Variants in ADGRF5 observed in about 807,000 individuals in gnomAD.
The protein encoded by ADGRF5 is adhesion G protein-coupled receptor F5.
ADGRF5 carries 75 observed loss-of-function variants against 132.3 expected under a neutral mutation model. The ratio of observed to expected loss-of-function variants is 0.57; its 90% CI spans 0.47 to 0.69. ADGRF5 has a LOEUF of 0.69. Among genes scored for constraint, ADGRF5 ranks in the 30% least tolerant of loss-of-function variants. The pLI is 0.00. For synonymous variants in ADGRF5, 629 were observed against 597.6 expected (o/e 1.05, Z -0.77); for missense variants, 1,516 against 1,630.6 (o/e 0.93, Z 1.21).
At chr6:46,929,724 G>C (rs1017941630) in intron 1 of ADGRF5, among the ~76,000 whole-genome samples, 1 of 151,902 alleles carries the variant, frequency 6.6e-6, no homozygotes, top group Non-Finnish European at 1.5e-5. Flanking sequence ...ATGATGTCTG[G>C]CTCATGACTT....
At chr6:46,915,299 A>C (rs1230597608) in intron 1 of ADGRF5, among the ~76,000 whole-genome samples, 5 of 151,674 alleles carry the variant, frequency 3.3e-5, no homozygotes, top group Non-Finnish European at 7.4e-5. Flanking sequence ...TAATAATAAT[A>C]ATAATAATAA....
At chr6:46,856,845 A>T (rs751386941) in intron 18 of ADGRF5, 22 bp downstream of exon 18, 6 of 1,608,032 alleles carry the variant, frequency 3.7e-6, no homozygotes, top group South Asian at 1.1e-5. Flanking sequence ...TTCTAGAAAC[A>T]TGAAACTGTC....
At chr6:46,899,254 G>A (rs1774495042) in intron 3 of ADGRF5, among the ~76,000 whole-genome samples, 1 of 152,054 alleles carries the variant, frequency 6.6e-6, no homozygotes, top group Non-Finnish European at 1.5e-5. Flanking sequence ...AGGAGATCAG[G>A]TGGGAAAGGC....
intron 9 of ADGRF5, among the ~76,000 whole-genome samples, chr6:46,879,320 A>T (rs1345581629): frequency 6.6e-6 from 1 of 151,974 alleles, no homozygotes; most frequent in African/African-American, 2.4e-5. Context: ...CCCCTCCCAA[A>T]TCTCATGTCG....
At chr6:46,887,931 CTGGTACT>C (rs1773221340) in intron 4 of ADGRF5, 2 of 157,648 alleles carry the variant, frequency 1.3e-5, no homozygotes, top group Admixed American at 1.2e-4. Flanking sequence ...AGAAGGGTAT[CTGGTACT>C]TACTAATATC....
At chr6:46,871,743 T>C (rs573758257) in intron 11 of ADGRF5, 100 bp downstream of exon 11, 5 of 767,650 alleles carry the variant, frequency 6.5e-6, no homozygotes. Context: ...TCTCTGTCCA[T>C]TATTTTGCTC....
At chr6:46,935,517 G>T (rs1777775665) in intron 1 of ADGRF5, among the ~76,000 whole-genome samples, 1 of 152,056 alleles carries the variant, frequency 6.6e-6, no homozygotes, top group African/African-American at 2.4e-5. Context: ...ATTTATCTCA[G>T]AGCAGTACTT....
rs1768680292 is a variant in ADGRF5 at position 46,853,298 on chromosome 6, TCCTC to T, written c.*690_*693del. ...TTGAAGTCGTTCTGATGAAGGAATT[TCCTC>T]CCTATTTTTTCAGCCTTTTTTTCCT... is the stretch of plus-strand genomic sequence containing the variant. On this transcript the variant is annotated 3_prime_UTR_variant, in exon 21 of 21. Coordinates refer to ENST00000283296, the MANE Select transcript of ADGRF5 (RefSeq NM_001098518.2). 6.6e-6 allele frequency: 1 copy of T among 152,154 alleles called. No individual in the cohort carries two copies. Among genetic ancestry groups the T allele is most frequent in the Non-Finnish European group, 1.5e-5 (1 of 68,028 alleles). The allele number at this position is 152,154 out of a possible 1,614,324, so 9.4% of individuals were successfully genotyped here. A position where few individuals can be genotyped will look rare whatever the true frequency, so the allele number is the denominator to read the frequency against.
intron 1 of ADGRF5, among the ~76,000 whole-genome samples, chr6:46,920,778 G>A (rs941972542): frequency 2.6e-5 from 4 of 152,114 alleles, no homozygotes; most frequent in South Asian, 4.2e-4. Flanking sequence ...CAGGAGGATC[G>A]TTTGAACCCG....
intron 1 of ADGRF5, among the ~76,000 whole-genome samples, chr6:46,909,274 T>A (rs1328958): frequency 0.12 from 17,964 of 152,178 alleles, 1,199 homozygotes; most frequent in Non-Finnish European, 0.14. Context: ...AGACAAAGAC[T>A]GAGAGACAAA....
intron 14 of ADGRF5, 70 bp downstream of exon 14, chr6:46,864,972 G>A (rs1465996252): frequency 9.9e-7 from 1 of 1,005,470 alleles, no homozygotes; most frequent in African/African-American, 1.6e-5. Context: ...GGGGATGAAT[G>A]AGGGAGTGAA....
rs770723712 is a variant in ADGRF5, at chr6:46,859,179, G to T, written c.2724C>A (p.Ile908=). The T allele has an allele frequency of 8.1e-6, 13 of 1,613,706 alleles. No homozygotes were observed. In the African/African-American group the frequency reaches 1.7e-4, roughly 22 times the overall value. ...TATTTTCCTGGATATCCTGGGCAAG[G>T]ATGGCTTGGAGAGTTGGGAAAGCCA... is the stretch of plus-strand genomic sequence containing the variant. The part of the protein sequence containing the change: ...VTMAFPTLQA[I]LAQDIQENNF... Residue 908 remains isoleucine (I), a synonymous_variant, in exon 17 of 21, where the codon ATC becomes ATA. Transcript: ENST00000283296.
At chr6:46,906,881 C>T in intron 1 of ADGRF5, 95 bp from the exon 2 acceptor site, 1 of 684,104 alleles carries the variant, frequency 1.5e-6, no homozygotes, top group South Asian at 1.6e-5. Context: ...TCATCCTACA[C>T]AAGAACTTTT....
chr6:46,863,903 A>G (rs986173899), intron 14 of ADGRF5, among the ~76,000 whole-genome samples: 2 of 152,232 alleles, frequency 1.3e-5, no homozygotes, highest in African/African-American at 4.8e-5. Flanking sequence ...CCTTTGCTGC[A>G]CCCTGGAGGG....
At chr6:46,899,358 T>A (rs1451800752) in intron 3 of ADGRF5, among the ~76,000 whole-genome samples, 1 of 151,968 alleles carries the variant, frequency 6.6e-6, no homozygotes, top group Admixed American at 6.6e-5. Context: ...AATGACAGGA[T>A]CCGATTTGTG....
intron 1 of ADGRF5, among the ~76,000 whole-genome samples, chr6:46,953,607 A>G (rs1296399247): frequency 3.6e-5 from 4 of 111,136 alleles, no homozygotes; most frequent in Non-Finnish European, 7.4e-5. Context: ...ACAGAGTGAG[A>G]CACAGTCTCA....
intron 2 of ADGRF5, chr6:46,903,565 T>C (rs1350703077): frequency 1.3e-5 from 2 of 152,138 alleles, no homozygotes; most frequent in Admixed American, 6.5e-5. Flanking sequence ...GGGAACAGGA[T>C]GGCAAACGAG....
At position 46,857,760 on chromosome 6, in the gene ADGRF5, T is replaced by C. The variant is rs370152737; in HGVS notation, c.3774+369A>G. Among the ~76,000 whole-genome samples, 89 of 130,686 alleles carry C rather than the reference T, an allele frequency of 6.8e-4. No individual in the cohort carries two copies. The South Asian group carries it at 0.021, about 32-fold the overall frequency. 85.7% of individuals were successfully genotyped at this position (130,686 alleles called of 152,430 possible). A position where few individuals can be genotyped will look rare whatever the true frequency, so the allele number is the denominator to read the frequency against. ...AAGGTCTCTATCAGGCATAGAGGTA[T>C]AGTGATGAACAAGAAAGGGGCAATC... On this transcript the variant is annotated intron_variant, in intron 17 of 20. Transcript: ENST00000283296.
rs559935096 is a variant in ADGRF5 at position 46,872,423 on chromosome 6, A to C, written c.1241-410T>G. ...TGGTTTTTTGAATGTGAACAATAAA[A>C]AAAGAGAAGCAAGCTGTTTGGGTAT... On this transcript the variant is annotated intron_variant, in intron 10 of 20. Coordinates refer to ENST00000283296, the MANE Select transcript of ADGRF5 (RefSeq NM_001098518.2). Among the ~76,000 whole-genome samples, 226 of 152,352 alleles carry C rather than the reference A, an allele frequency of 1.5e-3. 1 individual carries two copies. The highest frequency in any genetic ancestry group is 5.3e-3 in the African/African-American group (222 of 41,576).
Sources: gnomAD v4.1 joint callset for allele counts (sites outside exome capture counted in the v4.1 genomes callset) on GRCh38, gnomAD v4.1.1 for gene constraint, MANE v1.5 for transcripts, NCBI Gene and HGNC (gene_info 2026-07-23, HGNC 2026-07-21) for gene names.